MAP2K5: variants seen among roughly 807,000 people sequenced by gnomAD.
MAP2K5 encodes dual specificity mitogen-activated protein kinase kinase 5.
MAP2K5 carries 49 observed loss-of-function variants against 83.1 expected under a neutral mutation model. That is an observed-to-expected ratio of 0.59 (90% CI 0.47 to 0.75). MAP2K5 has a LOEUF of 0.75. MAP2K5 is among the 30% of genes least tolerant of loss of function. The probability of loss-of-function intolerance (pLI) is 0.00; values close to 1 mark genes in which losing one functional copy is unlikely to be tolerated. For missense variants in MAP2K5, 457 were observed against 557.5 expected, an observed-to-expected ratio of 0.82 and a Z score of 1.82; for synonymous variants, 202 against 191.8, an observed-to-expected ratio of 1.05 and a Z score of -0.44.
In MAP2K5 at chr15:67,738,071, C is replaced by T. The variant is rs914125845; in HGVS notation, c.1074+10126C>T. 7.9e-5 allele frequency among the ~76,000 whole-genome samples: 12 copies of T among 151,894 alleles called. No individual in the cohort carries two copies. The highest frequency in any genetic ancestry group is 2.4e-4 in the African/African-American group (10 of 41,338). ...TTCGCCATGTTGGCCAGGCTGGTCT[C>T]GAACTCCCGACCTCAGGTGACCTGC... On this transcript the variant is annotated intron_variant, in intron 17 of 21. Coordinates refer to ENST00000178640, the MANE Select transcript of MAP2K5 (RefSeq NM_145160.3). The surrounding 1 kb of genome is among the most constrained non-coding windows in gnomAD (Gnocchi z 4.1).
rs1596774150 is a variant in MAP2K5 at position 67,676,059 on chromosome 15, T to C, written c.847+11414T>C. ...CTGTGTGATCGTTGTGTGTTTTGGC[T>C]CACCAGTCTCTATAGTATCCATTAG... On this transcript the variant is annotated intron_variant, in intron 13 of 21. Coordinates refer to ENST00000178640, the MANE Select transcript of MAP2K5 (RefSeq NM_145160.3). The surrounding 1 kb of genome is among the most constrained non-coding windows in gnomAD (Gnocchi z 4.8). Among the ~76,000 whole-genome samples the C allele has an allele frequency of 6.6e-6, 1 of 152,214 alleles. No homozygotes were observed. The highest frequency in any genetic ancestry group is 1.5e-5 in the Non-Finnish European group (1 of 68,034).
intron 21 of MAP2K5, among the ~76,000 whole-genome samples, chr15:67,804,785 C>T (rs147451047): frequency 8.7e-4 from 133 of 152,302 alleles, no homozygotes; most frequent in Non-Finnish European, 1.7e-3. Context: ...GGCACGAGGT[C>T]GCCCCTCCTG....
intron 2 of MAP2K5, among the ~76,000 whole-genome samples, chr15:67,554,392 T>A (rs2084582113): frequency 6.6e-6 from 1 of 152,208 alleles, no homozygotes; most frequent in Admixed American, 6.5e-5. Flanking sequence ...AAAATATACC[T>A]AACACTAATT....
chr15:67,796,300 C>T (rs1206415872), intron 21 of MAP2K5, among the ~76,000 whole-genome samples: 1 of 152,136 alleles, frequency 6.6e-6, no homozygotes, highest in Non-Finnish European at 1.5e-5. Context: ...TACAAAGAAA[C>T]ACCTGAGACT....
At chr15:67,557,167 A>C (rs575102789) in intron 2 of MAP2K5, among the ~76,000 whole-genome samples, 1 of 152,200 alleles carries the variant, frequency 6.6e-6, no homozygotes, top group Non-Finnish European at 1.5e-5. Context: ...ATAAAAATCA[A>C]CCGTGCCCAC....
chr15:67,691,573 A>T (rs1308528790), intron 13 of MAP2K5, among the ~76,000 whole-genome samples: 2 of 152,224 alleles, frequency 1.3e-5, no homozygotes, highest in Non-Finnish European at 2.9e-5. Context: ...ATGCTGTTTT[A>T]AATATAACCA....
intron 15 of MAP2K5, among the ~76,000 whole-genome samples, chr15:67,700,283 T>C (rs1253498635): frequency 6.6e-6 from 1 of 152,210 alleles, no homozygotes; most frequent in African/African-American, 2.4e-5. Context: ...ATTCTACTTA[T>C]TAGATCATCA....
intron 21 of MAP2K5, among the ~76,000 whole-genome samples, chr15:67,789,783 T>A (rs181477620): frequency 6.6e-6 from 1 of 152,362 alleles, no homozygotes; most frequent in Admixed American, 6.5e-5. Context: ...TTAACACTTC[T>A]TTCATATGTT....
At chr15:67,580,295 C>T (rs971782687) in intron 3 of MAP2K5, among the ~76,000 whole-genome samples, 3 of 152,114 alleles carry the variant, frequency 2.0e-5, no homozygotes, top group African/African-American at 7.2e-5. Context: ...TTTCCACAGT[C>T]TCTGTGATTT....
At chr15:67,560,635 C>T (rs2084716011) in intron 2 of MAP2K5, among the ~76,000 whole-genome samples, 1 of 152,196 alleles carries the variant, frequency 6.6e-6, no homozygotes, top group African/African-American at 2.4e-5. Flanking sequence ...AACCTTTTGG[C>T]TTCAGTTTTC....
At position 67,780,312 on chromosome 15, in the gene MAP2K5, C is replaced by T. The variant is rs1378882622; in HGVS notation, c.1242+7560C>T. The stretch of plus-strand genomic sequence containing the variant: ...ACCTTTAAAGTTCTCTAGGTGATTA[C>T]AAGGACAGCCAGAGGGGAAACTCAC... On this transcript the variant is annotated intron_variant, in intron 21 of 21. Coordinates refer to ENST00000178640, the MANE Select transcript of MAP2K5 (RefSeq NM_145160.3). This position sits in a 1 kb window ranked among gnomAD's most constrained non-coding sequence, Gnocchi z 5.0. Among the ~76,000 whole-genome samples, 1 of 151,306 alleles carries T rather than the reference C, an allele frequency of 6.6e-6. No individual in the cohort carries two copies. The highest frequency in any genetic ancestry group is 1.5e-5 in the Non-Finnish European group (1 of 67,944).
intron 17 of MAP2K5, among the ~76,000 whole-genome samples, chr15:67,744,533 G>A (rs928971490): frequency 6.6e-5 from 10 of 152,356 alleles, no homozygotes; most frequent in Admixed American, 2.6e-4. Context: ...GAGAGTAAAA[G>A]AGAAAATGAA....
chr15:67,800,723 G>C (rs1425474605), intron 21 of MAP2K5, among the ~76,000 whole-genome samples: 4 of 152,190 alleles, frequency 2.6e-5, no homozygotes, highest in Non-Finnish European at 5.9e-5. Context: ...CCACCCCGAT[G>C]TACGTGATGG....
intron 12 of MAP2K5, chr15:67,658,909 T>C (rs1011104308): frequency 1.3e-5 from 6 of 466,986 alleles, no homozygotes; most frequent in Non-Finnish European, 2.1e-5. Flanking sequence ...ATGCTGTTTT[T>C]TGTTTTGTTT....
At chr15:67,737,299 T>G (rs1214643807) in intron 17 of MAP2K5, among the ~76,000 whole-genome samples, 2 of 152,170 alleles carry the variant, frequency 1.3e-5, no homozygotes, top group Non-Finnish European at 2.9e-5. Flanking sequence ...CATCAACTTT[T>G]ATTATACTCC....
chr15:67,586,549 G>A (rs2141003314), intron 5 of MAP2K5, among the ~76,000 whole-genome samples: 1 of 152,172 alleles, frequency 6.6e-6, no homozygotes, highest in South Asian at 2.1e-4. Context: ...TGTACTTTTT[G>A]AACATACTGT....
At chr15:67,592,789 A>G (rs1336351505) in intron 6 of MAP2K5, 137 bp from the exon 7 acceptor site, 48 of 652,596 alleles carry the variant, frequency 7.4e-5, no homozygotes, top group East Asian at 3.0e-5. Flanking sequence ...TTTGAAAAAA[A>G]TTTACATTGG....
At chr15:67,799,477 A>G (rs1184982773) in intron 21 of MAP2K5, among the ~76,000 whole-genome samples, 1 of 152,250 alleles carries the variant, frequency 6.6e-6, no homozygotes, top group African/African-American at 2.4e-5. Flanking sequence ...AGCAGGTGGT[A>G]TTTGGTGTGG....
chr15:67,668,427 A>G lies in MAP2K5; in HGVS notation c.847+3782A>G, dbSNP rs1405252797. On this transcript the variant is annotated intron_variant, in intron 13 of 21. Coordinates refer to ENST00000178640, the MANE Select transcript of MAP2K5 (RefSeq NM_145160.3). This position sits in a 1 kb window ranked among gnomAD's most constrained non-coding sequence, Gnocchi z 4.0. ...AAAAGTTGTCTTTATTAAAAGGCAT[A>G]TGTGAGAGCACTATAAGCATAGCAT... 6.6e-6 allele frequency among the ~76,000 whole-genome samples: 1 copy of G among 152,218 alleles called. No homozygotes were observed. Among genetic ancestry groups the G allele is most frequent in the East Asian group, 1.9e-4 (1 of 5,204 alleles).
Sources: gnomAD v4.1 joint callset for allele counts (sites outside exome capture counted in the v4.1 genomes callset) on GRCh38, gnomAD v4.1.1 for gene constraint, Gnocchi (gnomAD v3.1) non-coding constraint, MANE v1.5 for transcripts, NCBI Gene and HGNC (gene_info 2026-07-23, HGNC 2026-07-21) for gene names.